The following CTNNA2 variants were observed in gnomAD, a reference collection of about 807,000 sequenced individuals.
CTNNA2 encodes the protein catenin alpha 2, also known as catenin alpha-2.
A neutral mutation model predicts 101.0 loss-of-function variants in CTNNA2; 42 were observed. The ratio of observed to expected loss-of-function variants is 0.42; its 90% CI spans 0.32 to 0.54. The LOEUF (loss-of-function observed/expected upper bound fraction) is 0.54, where lower values mean the gene tolerates loss of function less well. Among genes scored for constraint, CTNNA2 ranks in the 20% least tolerant of loss-of-function variants. The pLI, the probability that CTNNA2 is intolerant of heterozygous loss-of-function variation, is 0.14. For synonymous variants in CTNNA2, 450 were observed against 456.4 expected, an observed-to-expected ratio of 0.99 and a Z score of 0.18; for missense variants, 871 against 1,223.1, an observed-to-expected ratio of 0.71 and a Z score of 4.29.
intron 2 of CTNNA2, among the ~76,000 whole-genome samples, chr2:79,300,713 C>A (rs1192775818): frequency 3.9e-5 from 6 of 152,204 alleles, no homozygotes; most frequent in Admixed American, 3.9e-4. Flanking sequence ...AGTTCAGACT[C>A]TCATCATTTC....
chr2:80,158,446 C>T (rs1254914374), intron 7 of CTNNA2, among the ~76,000 whole-genome samples: 1 of 152,156 alleles, frequency 6.6e-6, no homozygotes, highest in Non-Finnish European at 1.5e-5. Context: ...TACAATATTC[C>T]AACCAAGATG....
Position 80,108,389 on chromosome 2 carries a change from C to T in CTNNA2, c.1056+198592C>T, listed in dbSNP as rs571903751. The stretch of plus-strand genomic sequence containing the variant: ...AGTAAAATCACTATGCTGCCCCCTA[C>T]CCTATTCCTTTGGCAGATGGTCTCA... On this transcript the variant is annotated intron_variant, in intron 7 of 18. Transcript: ENST00000402739. Among the ~76,000 whole-genome samples the T allele has an allele frequency of 1.4e-4, 22 of 152,270 alleles. No individual in the cohort carries two copies. The South Asian group carries it at 2.9e-3, about 20-fold the overall frequency.
intron 4 of CTNNA2, among the ~76,000 whole-genome samples, chr2:79,464,604 T>G (rs924900418): frequency 6.6e-6 from 1 of 152,146 alleles, no homozygotes; most frequent in Non-Finnish European, 1.5e-5. Context: ...CCACCAACAG[T>G]GTAAAAGTGT....
At chr2:80,040,095 C>T (rs1176279087) in intron 7 of CTNNA2, among the ~76,000 whole-genome samples, 1 of 152,190 alleles carries the variant, frequency 6.6e-6, no homozygotes, top group African/African-American at 2.4e-5. Flanking sequence ...TTGGACCAAA[C>T]TCTGGCAGTT....
chr2:79,888,149 A>G (rs372923892), intron 6 of CTNNA2, among the ~76,000 whole-genome samples: 14 of 152,196 alleles, frequency 9.2e-5, no homozygotes, highest in African/African-American at 3.1e-4. Context: ...TCTTAAAACC[A>G]TCCCTACCTC....
At chr2:80,071,570 C>A (rs1698343301) in intron 7 of CTNNA2, among the ~76,000 whole-genome samples, 1 of 139,778 alleles carries the variant, frequency 7.2e-6, no homozygotes. Context: ...GAGATGAAAA[C>A]CACTTGATGT....
intron 7 of CTNNA2, among the ~76,000 whole-genome samples, chr2:79,992,401 A>G (rs533834911): frequency 7.7e-4 from 117 of 152,382 alleles, no homozygotes; most frequent in African/African-American, 2.5e-3. Context: ...AAGAACCAAA[A>G]TGTGTGAGGA....
chr2:80,149,438 C>G (rs1010275978), intron 7 of CTNNA2, among the ~76,000 whole-genome samples: 4 of 152,184 alleles, frequency 2.6e-5, no homozygotes, highest in Non-Finnish European at 5.9e-5. Flanking sequence ...CATGCGCACA[C>G]ACACATCATA....
Position 80,648,595 on chromosome 2 carries a change from TTTTTTC to T in CTNNA2, c.*729_*734del, listed in dbSNP as rs1674366706. 7.6e-6 allele frequency: 1 copy of T among 132,270 alleles called. No homozygotes were observed. The highest frequency in any genetic ancestry group is 2.5e-5 in the African/African-American group (1 of 40,292). 8.2% of individuals were successfully genotyped at this position (132,270 alleles called of 1,614,324 possible). A position where few individuals can be genotyped will look rare whatever the true frequency, so the allele number is the denominator to read the frequency against. ...ACGGTGACCAATCTTGCTTTCATTT[TTTTTTC>T]TTTTTAATTTGAACCATGATTTTGC... is the stretch of plus-strand genomic sequence containing the variant. On this transcript the variant is annotated 3_prime_UTR_variant, in exon 19 of 19. Transcript: ENST00000402739.
intron 4 of CTNNA2, among the ~76,000 whole-genome samples, chr2:79,470,432 A>G (rs969474821): frequency 2.0e-5 from 3 of 152,218 alleles, no homozygotes; most frequent in Admixed American, 2.0e-4. Context: ...GAGGAAGGCA[A>G]GAAGGGATAT....
intron 4 of CTNNA2, among the ~76,000 whole-genome samples, chr2:79,402,893 A>T (rs1678304980): frequency 6.6e-6 from 1 of 151,890 alleles, no homozygotes; most frequent in Non-Finnish European, 1.5e-5. Context: ...AAATTGCTTA[A>T]ATGATTAAAT....
chr2:80,499,312 T>C (rs1485120872), intron 9 of CTNNA2, among the ~76,000 whole-genome samples: 1 of 152,234 alleles, frequency 6.6e-6, no homozygotes, highest in Admixed American at 6.5e-5. Flanking sequence ...GCTGTATCTA[T>C]GCTGCAGTGA....
chr2:79,554,269 C>G (rs747820928), intron 1 of CTNNA2, among the ~76,000 whole-genome samples: 2 of 151,868 alleles, frequency 1.3e-5, no homozygotes, highest in Non-Finnish European at 2.9e-5. Context: ...GGAACTGATA[C>G]GATAGCCTTC....
intron 3 of CTNNA2, among the ~76,000 whole-genome samples, chr2:79,365,507 T>A (rs1449773031): frequency 6.6e-6 from 1 of 151,356 alleles, no homozygotes; most frequent in Non-Finnish European, 1.5e-5. Flanking sequence ...ATGCCTGTAG[T>A]CATAGCTACT....
At chr2:80,311,646 T>C (rs1195279712) in intron 7 of CTNNA2, among the ~76,000 whole-genome samples, 1 of 152,242 alleles carries the variant, frequency 6.6e-6, no homozygotes, top group Non-Finnish European at 1.5e-5. Flanking sequence ...TGAAAATGGA[T>C]TAATCCAGCA....
intron 9 of CTNNA2, among the ~76,000 whole-genome samples, chr2:80,431,296 C>A (rs575140220): frequency 6.6e-5 from 10 of 152,200 alleles, no homozygotes; most frequent in Non-Finnish European, 1.0e-4. Flanking sequence ...CCTTAACAGA[C>A]AACATTGGGT....
intron 7 of CTNNA2, among the ~76,000 whole-genome samples, chr2:80,055,737 C>T (rs1697176057): frequency 6.6e-6 from 1 of 152,146 alleles, no homozygotes. Context: ...TCTGCTCTCA[C>T]CTGCATTTGA....
chr2:79,965,303 T>G (rs1689960540), intron 7 of CTNNA2, among the ~76,000 whole-genome samples: 1 of 152,186 alleles, frequency 6.6e-6, no homozygotes, highest in South Asian at 2.1e-4. Flanking sequence ...TACAAAATTT[T>G]AAAGCACAGA....
intron 2 of CTNNA2, among the ~76,000 whole-genome samples, chr2:79,280,261 CTCCTTGAA>C (rs1460239025): frequency 6.6e-6 from 1 of 152,072 alleles, no homozygotes; most frequent in Non-Finnish European, 1.5e-5. Flanking sequence ...TAAAAAGCAG[CTCCTTGAA>C]TCCTTCCCTG....
Sources: allele counts gnomAD v4.1 joint callset (sites outside exome capture counted in the v4.1 genomes callset), GRCh38; gene constraint gnomAD v4.1.1; transcripts MANE v1.5; gene names NCBI Gene and HGNC (gene_info 2026-07-23, HGNC 2026-07-21).